The following AGBL1 variants were observed in gnomAD, a reference collection of about 807,000 sequenced individuals.
AGBL1 encodes cytosolic carboxypeptidase 4.
A neutral mutation model predicts 118.9 loss-of-function variants in AGBL1; 130 were observed. The ratio of observed to expected loss-of-function variants is 1.09; its 90% confidence interval spans 0.95 to 1.26. The LOEUF (loss-of-function observed/expected upper bound fraction) is 1.26. AGBL1 is among the 50% of genes most tolerant of loss of function. The probability of loss-of-function intolerance (pLI) is 0.00; values close to 1 mark genes in which losing one functional copy is unlikely to be tolerated. For missense variants in AGBL1, 1,584 were observed against 1,298.1 expected (o/e 1.22, Z -3.38); for synonymous variants, 555 against 478.9 (o/e 1.16, Z -2.08).
At chr15:86,698,092 T>G (rs1360793694) in intron 22 of AGBL1, among the ~76,000 whole-genome samples, 1 of 151,984 alleles carries the variant, frequency 6.6e-6, no homozygotes, top group Non-Finnish European at 1.5e-5. Flanking sequence ...TGCAATTTAG[T>G]CCTGCCTCCT....
At chr15:86,925,719 TC>T (rs1296022369) in intron 23 of AGBL1, among the ~76,000 whole-genome samples, 10 of 140,110 alleles carry the variant, frequency 7.1e-5, no homozygotes, top group African/African-American at 1.3e-4. Flanking sequence ...CTTTTTCTTT[TC>T]TTTTTTTTTT....
intron 18 of AGBL1, among the ~76,000 whole-genome samples, chr15:86,409,200 G>A (rs755078175): frequency 6.6e-6 from 1 of 152,116 alleles, no homozygotes; most frequent in Admixed American, 6.6e-5. Flanking sequence ...GAAGAACATG[G>A]CACTTGGTGC....
chr15:86,853,801 C>T (rs776266307), intron 22 of AGBL1, among the ~76,000 whole-genome samples: 19 of 152,160 alleles, frequency 1.2e-4, no homozygotes, highest in Non-Finnish European at 2.6e-4. Context: ...GACTAAAAGT[C>T]TGAAAACCTG....
chr15:86,349,630 A>T (rs1405273958), intron 17 of AGBL1, among the ~76,000 whole-genome samples: 1 of 152,224 alleles, frequency 6.6e-6, no homozygotes, highest in Admixed American at 6.5e-5. Context: ...AAATGAACAA[A>T]AACTGTTAGC....
At chr15:86,705,216 A>G (rs1451305837) in intron 22 of AGBL1, among the ~76,000 whole-genome samples, 4 of 152,154 alleles carry the variant, frequency 2.6e-5, no homozygotes, top group African/African-American at 7.2e-5. Context: ...TGTTGGGTTG[A>G]TAGGTGCAGC....
chr15:86,639,600 G>A (rs1046897425), intron 21 of AGBL1, among the ~76,000 whole-genome samples: 2 of 152,044 alleles, frequency 1.3e-5, no homozygotes, highest in African/African-American at 2.4e-5. Context: ...GGGTTGCTCC[G>A]AAATTGCTCT....
intron 18 of AGBL1, among the ~76,000 whole-genome samples, chr15:86,478,581 G>T (rs2082597483): frequency 6.6e-6 from 1 of 152,120 alleles, no homozygotes; most frequent in South Asian, 2.1e-4. Flanking sequence ...CAAAATAAAA[G>T]AGGACACAAA....
intron 1 of AGBL1, among the ~76,000 whole-genome samples, chr15:86,129,084 G>A (rs1250924132): frequency 6.6e-6 from 1 of 152,024 alleles, no homozygotes; most frequent in Admixed American, 6.6e-5. Context: ...CAATATAACA[G>A]AACCAAATAC....
intron 22 of AGBL1, among the ~76,000 whole-genome samples, chr15:86,876,297 C>T (rs568892972): frequency 2.7e-4 from 41 of 152,142 alleles, no homozygotes; most frequent in African/African-American, 8.2e-4. Flanking sequence ...GTCTGTGCTT[C>T]GGGGCAGGAC....
chr15:86,597,453 A>T (rs2084428004), intron 21 of AGBL1, among the ~76,000 whole-genome samples: 1 of 152,116 alleles, frequency 6.6e-6, no homozygotes, highest in Non-Finnish European at 1.5e-5. Context: ...AAATTCTGCA[A>T]ATCAGGGCTT....
intron 22 of AGBL1, among the ~76,000 whole-genome samples, chr15:86,749,143 C>A (rs1489594774): frequency 6.6e-6 from 1 of 152,142 alleles, no homozygotes; most frequent in African/African-American, 2.4e-5. Flanking sequence ...TATCAATGAG[C>A]ATGGAATGTT....
chr15:86,688,247 T>C (rs1054593482), intron 22 of AGBL1, among the ~76,000 whole-genome samples: 46 of 151,468 alleles, frequency 3.0e-4, no homozygotes, highest in African/African-American at 1.1e-3. Context: ...AAAGATGATA[T>C]TTAGACTGAG....
At chr15:87,013,928 C>A (rs1267038663) in intron 24 of AGBL1, among the ~76,000 whole-genome samples, 1 of 152,168 alleles carries the variant, frequency 6.6e-6, no homozygotes, top group Non-Finnish European at 1.5e-5. Context: ...CCTTTCCTAG[C>A]TGTACATCCT....
rs1476064623 is a variant in AGBL1 at position 86,908,869 on chromosome 15, T to C, written c.*1575T>C. The C allele has an allele frequency of 2.0e-5, 3 of 152,200 alleles. No individual in the cohort carries two copies. The highest frequency in any genetic ancestry group is 4.4e-5 in the Non-Finnish European group (3 of 68,038). The allele number at this position is 152,200 out of a possible 1,614,324, so 9.4% of individuals were successfully genotyped here. On this transcript the variant is annotated 3_prime_UTR_variant, in exon 23 of 23. Coordinates refer to ENST00000614907, the MANE Select transcript of AGBL1 (RefSeq NM_001386094.1). ...GCTGCAAGAGATGGACAACTTATCATAGTAGTAGCTTTCATAAGGCATAAG... is the reference window on the plus strand; with the variant it reads ...GCTGCAAGAGATGGACAACTTATCACAGTAGTAGCTTTCATAAGGCATAAG...
intron 5 of AGBL1, among the ~76,000 whole-genome samples, chr15:86,196,282 G>A (rs74345757): frequency 0.031 from 4,702 of 152,204 alleles, 115 homozygotes; most frequent in South Asian, 0.08. Context: ...CTCAGTGATG[G>A]CATCACAGGC....
intron 1 of AGBL1, among the ~76,000 whole-genome samples, chr15:86,125,212 G>T (rs1017803393): frequency 2.0e-5 from 3 of 152,140 alleles, no homozygotes; most frequent in African/African-American, 7.2e-5. Context: ...TTTGAAAGAG[G>T]TTTCCACCCT....
intron 22 of AGBL1, among the ~76,000 whole-genome samples, chr15:86,744,648 G>A (rs1226960769): frequency 6.6e-6 from 1 of 152,056 alleles, no homozygotes; most frequent in Non-Finnish European, 1.5e-5. Context: ...GGGGGGAGGA[G>A]TTAAAATAGA....
chr15:86,550,284 CAATGATGTCATTA>C (rs2083646655), intron 20 of AGBL1, among the ~76,000 whole-genome samples: 1 of 152,014 alleles, frequency 6.6e-6, no homozygotes, highest in South Asian at 2.1e-4. Context: ...CCAAAAATAT[CAATGATGTCATTA>C]AATATGAACG....
intron 17 of AGBL1, among the ~76,000 whole-genome samples, chr15:86,311,443 G>A (rs554577986): frequency 8.5e-5 from 13 of 152,170 alleles, no homozygotes; most frequent in Middle Eastern, 6.8e-3. Flanking sequence ...GCTATTCTAC[G>A]TTTAGAATTG....
Sources: gnomAD v4.1 joint callset for allele counts (sites outside exome capture counted in the v4.1 genomes callset) on GRCh38, gnomAD v4.1.1 for gene constraint, MANE v1.5 for transcripts, NCBI Gene and HGNC (gene_info 2026-07-23, HGNC 2026-07-21) for gene names.